GC: variants seen among roughly 807,000 people sequenced by gnomAD.
GC encodes GC vitamin D binding protein.
GC carries 43 observed loss-of-function variants against 56.7 expected under a neutral mutation model. The observed-to-expected ratio is 0.76, with a 90% CI of 0.59 to 0.98. The LOEUF (loss-of-function observed/expected upper bound fraction) is 0.98. Ranked by LOEUF, GC falls within the 50% of genes least tolerant of loss-of-function variation. The pLI is 0.00. For synonymous variants in GC, 216 were observed against 202.7 expected, an observed-to-expected ratio of 1.07 and a Z score of -0.56; for missense variants, 529 against 545.9, an observed-to-expected ratio of 0.97 and a Z score of 0.31.
At chr4:71,789,177 AAATAT>A (rs1372852515) in intron 1 of GC, among the ~76,000 whole-genome samples, 1 of 151,874 alleles carries the variant, frequency 6.6e-6, no homozygotes, top group Non-Finnish European at 1.5e-5. Flanking sequence ...ATAAAAGATA[AAATAT>A]AATATGTGAG....
chr4:71,752,070 A>G (rs940263184), intron 11 of GC, among the ~76,000 whole-genome samples: 1 of 152,100 alleles, frequency 6.6e-6, no homozygotes, highest in Non-Finnish European at 1.5e-5. Context: ...CTACCTGCCT[A>G]TATATGCATA....
At chr4:71,743,026 T>C (rs1226600150) in intron 12 of GC, among the ~76,000 whole-genome samples, 1 of 152,090 alleles carries the variant, frequency 6.6e-6, no homozygotes, top group Non-Finnish European at 1.5e-5. Context: ...CAAAAGTGCA[T>C]GCAAGTGTGG....
intron 1 of GC, among the ~76,000 whole-genome samples, chr4:71,792,447 A>C (rs1560713826): frequency 3.3e-5 from 5 of 151,752 alleles, no homozygotes. Context: ...TGTTGACTGC[A>C]TGAATGTCTT....
At position 71,781,410 on chromosome 4, in the gene GC, C is replaced by T. The variant is rs57962813; in HGVS notation, c.58+2551G>A. Among the ~76,000 whole-genome samples the T allele has an allele frequency of 5.1e-3, 769 of 149,324 alleles. 8 individuals carry two copies. Among genetic ancestry groups the T allele is most frequent in the African/African-American group, 0.018 (726 of 40,674 alleles). ...CAATAATAAAAAAGAAAACTTGAAT[C>T]GAAAAAAAAGAAAAGAAAAAAATGC... On this transcript the variant is annotated intron_variant, in intron 1 of 12. Transcript: ENST00000273951.
intron 1 of GC, among the ~76,000 whole-genome samples, chr4:71,790,319 T>G (rs1175998289): frequency 1.3e-5 from 2 of 151,998 alleles, no homozygotes; most frequent in Non-Finnish European, 2.9e-5. Flanking sequence ...CATGACAACT[T>G]TCTTATACTT....
At chr4:71,776,331 A>G (rs116099922) in intron 1 of GC, among the ~76,000 whole-genome samples, 3,099 of 151,966 alleles carry the variant, frequency 0.02, 104 homozygotes, top group African/African-American at 0.07. Context: ...TTAAAAAGAG[A>G]AGGAGGGGAA....
At chr4:71,758,270 C>T (rs1004682843) in intron 6 of GC, 99 bp from the exon 7 acceptor site, 2 of 1,044,946 alleles carry the variant, frequency 1.9e-6, no homozygotes, top group African/African-American at 3.1e-5. Flanking sequence ...CACAATTTCA[C>T]CTCCTTGGCC....
rs960948088 is a variant in GC, at chr4:71,761,390, A to G, written c.701+2018T>C. Among the ~76,000 whole-genome samples, 4 of 152,222 alleles carry G rather than the reference A, an allele frequency of 2.6e-5. No individual in the cohort carries two copies. In the South Asian group the frequency reaches 8.3e-4, roughly 31 times the overall value. ...TTCAAGAGGTGAATTGAGTGCTGTT[A>G]AAGGCATTCAGTTTCAAAAGGGAAG... is the stretch of plus-strand genomic sequence containing the variant. On this transcript the variant is annotated intron_variant, in intron 6 of 12. Transcript: ENST00000273951.
chr4:71,776,090 T>C (rs1428697753), intron 1 of GC, among the ~76,000 whole-genome samples: 1 of 152,006 alleles, frequency 6.6e-6, no homozygotes, highest in Non-Finnish European at 1.5e-5. Context: ...GAAAACAGTA[T>C]GGATGTTTCT....
rs563129498 is a variant in GC at position 71,765,815 on chromosome 4, C to T, written c.262-172G>A. Reference sequence around the variant, plus strand: ...TTAACATGACAAGTTGTGTGATTATCGGCAAGTATAGGATCTTATTTATGT... The same window carrying T: ...TTAACATGACAAGTTGTGTGATTATTGGCAAGTATAGGATCTTATTTATGT... On this transcript the variant is annotated intron_variant, in intron 3 of 12. Transcript: ENST00000273951. Among the ~76,000 whole-genome samples, 25 of 152,196 alleles carry T rather than the reference C, an allele frequency of 1.6e-4. No individual in the cohort carries two copies. In the South Asian group the frequency reaches 5.0e-3, roughly 30 times the overall value.
chr4:71,798,837 GTC>G (rs1743177055), intron 1 of GC, among the ~76,000 whole-genome samples: 1 of 152,096 alleles, frequency 6.6e-6, no homozygotes, highest in African/African-American at 2.4e-5. Flanking sequence ...TTAACTTGTA[GTC>G]TCTCTTTTTT....
At chr4:71,789,558 A>G (rs1742922680) in intron 1 of GC, among the ~76,000 whole-genome samples, 1 of 151,930 alleles carries the variant, frequency 6.6e-6, no homozygotes, top group Non-Finnish European at 1.5e-5. Context: ...TCTATACTGA[A>G]GGAGAAATGA....
At chr4:71,752,769 C>G (rs1741599738) in intron 10 of GC, 119 bp from the exon 11 acceptor site, 1 of 895,660 alleles carries the variant, frequency 1.1e-6, no homozygotes, top group African/African-American at 1.7e-5. Flanking sequence ...AAATACTTGC[C>G]TGTCTCAAGA....
At chr4:71,769,911 A>G (rs1742293186) in intron 1 of GC, among the ~76,000 whole-genome samples, 1 of 152,198 alleles carries the variant, frequency 6.6e-6, no homozygotes, top group Admixed American at 6.5e-5. Context: ...AAGGAGGTAC[A>G]GGAGAGTTAG....
At chr4:71,786,107 C>A (rs982979751), upstream of GC, 1 of 151,828 alleles carries the variant, frequency 6.6e-6, no homozygotes, top group Non-Finnish European at 1.5e-5. Context: ...TAATGATAAA[C>A]TACATGTAGC....
intron 1 of GC, among the ~76,000 whole-genome samples, chr4:71,777,337 T>C (rs944504192): frequency 1.3e-5 from 2 of 151,840 alleles, no homozygotes; most frequent in African/African-American, 2.4e-5. Context: ...TTGCTTTAAG[T>C]GCTTTTATAG....
intron 10 of GC, among the ~76,000 whole-genome samples, chr4:71,754,077 T>G (rs1741640916): frequency 6.6e-6 from 1 of 152,260 alleles, no homozygotes; most frequent in East Asian, 1.9e-4. Flanking sequence ...AATAAAATGA[T>G]TTAGGGGGTA....
upstream of GC, among the ~76,000 whole-genome samples, chr4:71,788,783 T>G (rs1456237217): frequency 6.6e-6 from 1 of 151,946 alleles, no homozygotes; most frequent in East Asian, 1.9e-4. Flanking sequence ...GAGACTTAGC[T>G]GATAATCACA....
At chr4:71,749,519 T>C (rs1322822335) in intron 11 of GC, among the ~76,000 whole-genome samples, 1 of 152,210 alleles carries the variant, frequency 6.6e-6, no homozygotes, top group Non-Finnish European at 1.5e-5. Context: ...TAGACTGTTT[T>C]CTTCTTCTTT....
Sources: gnomAD v4.1 joint callset for allele counts (sites outside exome capture counted in the v4.1 genomes callset) on GRCh38, gnomAD v4.1.1 for gene constraint, MANE v1.5 for transcripts, NCBI Gene and HGNC (gene_info 2026-07-23, HGNC 2026-07-21) for gene names.